Variants in HSD11B1 observed in about 807,000 individuals in gnomAD.
The protein encoded by HSD11B1 is hydroxysteroid 11-beta dehydrogenase 1.
HSD11B1 carries 15 observed loss-of-function variants against 22.1 expected under a neutral mutation model. The ratio of observed to expected loss-of-function variants is 0.68; its 90% CI spans 0.45 to 1.04. HSD11B1 has a LOEUF of 1.04. HSD11B1 is among the 50% of genes least tolerant of loss of function. The pLI, the probability that HSD11B1 is intolerant of heterozygous loss-of-function variation, is 0.00. For missense variants in HSD11B1, 281 were observed against 357.6 expected, an observed-to-expected ratio of 0.79 and a Z score of 1.73; for synonymous variants, 122 against 125.2, an observed-to-expected ratio of 0.97 and a Z score of 0.17.
intron 1 of HSD11B1, among the ~76,000 whole-genome samples, chr1:209,699,366 A>G (rs2076812497): frequency 6.6e-6 from 1 of 152,200 alleles, no homozygotes; most frequent in Non-Finnish European, 1.5e-5. Flanking sequence ...GGGAGGCCTC[A>G]GAATCATGGT....
chr1:209,690,186 TG>T lies in HSD11B1; in HGVS notation c.-49+3902del, dbSNP rs146792162. 2.4e-3 allele frequency among the ~76,000 whole-genome samples: 370 copies of T among 152,192 alleles called. 3 individuals are homozygous for T. Among genetic ancestry groups the T allele is most frequent in the African/African-American group, 8.7e-3 (363 of 41,520 alleles). ...AAAATTAGCAGAGCGTAGTGGTGCA[TG>T]CCAAGCTACTTAGGAGGCTGACATG... On this transcript the variant is annotated intron_variant, in intron 1 of 6. Transcript: ENST00000261465.
At chr1:209,732,870 T>C (rs2077044325) in intron 5 of HSD11B1, among the ~76,000 whole-genome samples, 2 of 151,824 alleles carry the variant, frequency 1.3e-5, no homozygotes, top group African/African-American at 2.4e-5. Context: ...CTCTGAATAA[T>C]GACCTGCAGA....
In HSD11B1 at chr1:209,734,386, G is replaced by T. The variant is rs41283132; in HGVS notation, c.744G>T (p.Gly248=). ...KEECALEIIK[G]GALRQEEVYY... Reference sequence around the variant, plus strand: ...AATGTGCCCTGGAGATCATCAAAGGGGGAGCTCTGCGCCAAGAAGAAGTGT... The same window carrying T: ...AATGTGCCCTGGAGATCATCAAAGGTGGAGCTCTGCGCCAAGAAGAAGTGT... The change falls in exon 6 of 6, where the codon GGG becomes GGT. Residue 248 remains glycine (G), a synonymous_variant. Coordinates refer to ENST00000367027, the MANE Select transcript of HSD11B1 (RefSeq NM_005525.4). 6 of 1,613,982 alleles carry T rather than the reference G, an allele frequency of 3.7e-6. No individual in the cohort carries two copies. The highest frequency in any genetic ancestry group is 5.1e-6 in the Non-Finnish European group (6 of 1,180,016).
chr1:209,712,372 G>T (rs544045565), intron 4 of HSD11B1, among the ~76,000 whole-genome samples: 1 of 152,272 alleles, frequency 6.6e-6, no homozygotes, highest in South Asian at 2.1e-4. Flanking sequence ...TAAATTAACA[G>T]AGTTCTAATA....
At chr1:209,721,331 T>A (rs532775928) in intron 4 of HSD11B1, among the ~76,000 whole-genome samples, 1 of 152,158 alleles carries the variant, frequency 6.6e-6, no homozygotes, top group African/African-American at 2.4e-5. Flanking sequence ...GAACACTAAG[T>A]ATTTGGGGGA....
At chr1:209,715,182 C>T (rs777048101) in intron 4 of HSD11B1, among the ~76,000 whole-genome samples, 6 of 152,122 alleles carry the variant, frequency 3.9e-5, no homozygotes, top group Non-Finnish European at 7.3e-5. Context: ...CAGGTTCTCA[C>T]TATCAATGTT....
upstream of HSD11B1, among the ~76,000 whole-genome samples, chr1:209,701,223 T>C (rs907394429): frequency 6.6e-6 from 1 of 152,200 alleles, no homozygotes; most frequent in Admixed American, 6.5e-5. Flanking sequence ...AGAGGTTTAA[T>C]TGGACTTACA....
intron 5 of HSD11B1, 111 bp from the exon 6 acceptor site, chr1:209,734,193 G>C: frequency 2.5e-6 from 2 of 808,236 alleles, no homozygotes; most frequent in Middle Eastern, 3.2e-4. Context: ...GAGGCTTGCA[G>C]AGCAAACACT....
In HSD11B1 at chr1:209,722,018, T is replaced by C. The variant is rs140664129; in HGVS notation, c.518-10418T>C. Among the ~76,000 whole-genome samples the C allele has an allele frequency of 6.2e-3, 942 of 152,288 alleles. 7 individuals are homozygous for C. The highest frequency in any genetic ancestry group is 0.021 in the African/African-American group (872 of 41,556). On this transcript the variant is annotated intron_variant, in intron 4 of 5. Coordinates refer to ENST00000367027, the MANE Select transcript of HSD11B1 (RefSeq NM_005525.4). ...CGTCGGTGGATATAGACACAGGACA[T>C]TGAGAACTATCTCTTATCCAAGGGT...
In HSD11B1 at chr1:209,705,802, G is replaced by A; in HGVS notation, c.89-9G>A. 1 of 1,613,466 alleles carries A rather than the reference G, an allele frequency of 6.2e-7. No individual in the cohort carries two copies. On this transcript the variant is annotated splice_polypyrimidine_tract_variant and intron_variant, in intron 1 of 5. Transcript: ENST00000367027. ...GGTATGGTCCTCACTTCCTTTTGGG[G>A]TTCCCCAGAGATGCTCCAAGGAAAG...
At chr1:209,711,327 T>A (rs2076893288) in intron 4 of HSD11B1, among the ~76,000 whole-genome samples, 1 of 152,182 alleles carries the variant, frequency 6.6e-6, no homozygotes, top group Non-Finnish European at 1.5e-5. Flanking sequence ...GTGCCTCAGG[T>A]TATTGGGGGT....
chr1:209,734,039 A>T (rs1038032038), intron 5 of HSD11B1, among the ~76,000 whole-genome samples: 1 of 152,174 alleles, frequency 6.6e-6, no homozygotes, highest in African/African-American at 2.4e-5. Flanking sequence ...GAGAAGCATG[A>T]TTCAGATCTC....
intron 4 of HSD11B1, among the ~76,000 whole-genome samples, chr1:209,710,140 T>TA (rs112104730): frequency 7.2e-5 from 11 of 152,168 alleles, no homozygotes; most frequent in South Asian, 2.1e-4. Flanking sequence ...TGAATATGAC[T>TA]AAAAAAAATC....
intron 4 of HSD11B1, among the ~76,000 whole-genome samples, chr1:209,715,575 C>G (rs1404332802): frequency 6.6e-6 from 1 of 152,136 alleles, no homozygotes; most frequent in Non-Finnish European, 1.5e-5. Context: ...GACACAGAGG[C>G]CAACTTTAAA....
chr1:209,709,634 A>T (rs1310636131), intron 4 of HSD11B1, among the ~76,000 whole-genome samples: 1 of 152,214 alleles, frequency 6.6e-6, no homozygotes. Context: ...CAGAACCACC[A>T]TTCCTAGAGT....
intron 4 of HSD11B1, among the ~76,000 whole-genome samples, chr1:209,725,370 C>T (rs1207597082): frequency 2.0e-5 from 3 of 152,190 alleles, no homozygotes; most frequent in African/African-American, 7.2e-5. Flanking sequence ...TTTGTACAAG[C>T]CATTCTTCCA....
At chr1:209,733,118 G>A (rs1179979253) in intron 5 of HSD11B1, among the ~76,000 whole-genome samples, 1 of 152,118 alleles carries the variant, frequency 6.6e-6, no homozygotes, top group Non-Finnish European at 1.5e-5. Context: ...TGTCCTCATG[G>A]ACACTCAATG....
Position 209,705,009 on chromosome 1 carries a change from G to T in HSD11B1, c.67G>T (p.Ala23Ser), listed in dbSNP as rs2076848015. 6.2e-6 allele frequency: 10 copies of T among 1,613,586 alleles called. No individual in the cohort carries two copies. Among genetic ancestry groups the T allele is most frequent in the Non-Finnish European group, 8.5e-6 (10 of 1,179,594 alleles). ...GLFMAYYYYS[A>S]NEEFRPEMLQ... The stretch of plus-strand genomic sequence containing the variant: ...CTTCATGGCCTACTACTACTATTCT[G>T]CAAACGAGGAATTCAGACCAGGTAA... Residue 23 changes from alanine to serine, a missense_variant, in exon 1 of 6, where the codon GCA becomes TCA. Ala to Ser is a moderately conservative substitution (Grantham distance 99, BLOSUM62 1). Coordinates refer to ENST00000367027, the MANE Select transcript of HSD11B1 (RefSeq NM_005525.4).
chr1:209,725,207 C>G (rs1430643168), intron 4 of HSD11B1, among the ~76,000 whole-genome samples: 3 of 152,142 alleles, frequency 2.0e-5, no homozygotes, highest in African/African-American at 7.2e-5. Flanking sequence ...AATCCAAAAA[C>G]AAATTAAAAT....
Sources: allele counts gnomAD v4.1 joint callset (sites outside exome capture counted in the v4.1 genomes callset), GRCh38; gene constraint gnomAD v4.1.1; transcripts MANE v1.5; gene names NCBI Gene and HGNC (gene_info 2026-07-23, HGNC 2026-07-21).